The following PPM1E variants were observed in gnomAD, a reference collection of about 807,000 sequenced individuals.
The protein encoded by PPM1E is protein phosphatase 1E.
PPM1E carries 20 observed loss-of-function variants against 65.9 expected under a neutral mutation model. The observed-to-expected ratio is 0.30, with a 90% CI of 0.21 to 0.44. PPM1E has a LOEUF of 0.44. Ranked by LOEUF, PPM1E falls within the 20% of genes least tolerant of loss-of-function variation. The pLI is 1.00. For missense variants in PPM1E, 713 were observed against 953.1 expected (o/e 0.75, Z 3.32); for synonymous variants, 352 against 374.9 (o/e 0.94, Z 0.70).
At chr17:58,921,904 G>C (rs1283524965) in intron 1 of PPM1E, among the ~76,000 whole-genome samples, 1 of 151,778 alleles carries the variant, frequency 6.6e-6, no homozygotes, top group East Asian at 1.9e-4. Context: ...GCCGGGTGTG[G>C]TGGCACGCAC....
intron 1 of PPM1E, among the ~76,000 whole-genome samples, chr17:58,895,949 CAAAAAA>C (rs34230027): frequency 1.6e-5 from 2 of 127,782 alleles, no homozygotes; most frequent in East Asian, 2.3e-4. Context: ...GCTAAACATA[CAAAAAA>C]AAAAAAAAAA....
chr17:58,865,797 T>C (rs2050996456), intron 1 of PPM1E, among the ~76,000 whole-genome samples: 1 of 152,226 alleles, frequency 6.6e-6, no homozygotes. Flanking sequence ...TATTCTATTG[T>C]GGTAAATAGT....
intron 1 of PPM1E, among the ~76,000 whole-genome samples, chr17:58,934,681 CT>C (rs1215446042): frequency 6.6e-6 from 1 of 152,162 alleles, no homozygotes; most frequent in African/African-American, 2.4e-5. Flanking sequence ...AATCCCAGCA[CT>C]TTTGGTGGCC....
At chr17:58,876,096 C>A (rs2051123800) in intron 1 of PPM1E, among the ~76,000 whole-genome samples, 1 of 152,046 alleles carries the variant, frequency 6.6e-6, no homozygotes, top group Non-Finnish European at 1.5e-5. Context: ...ATAATTTTTT[C>A]TTTGCATCTA....
rs2031356044 is a variant in PPM1E, at chr17:58,981,553, A to G, written c.*522A>G. 6.5e-6 allele frequency: 1 copy of G among 152,844 alleles called. No homozygotes were observed. Among genetic ancestry groups the G allele is most frequent in the Non-Finnish European group, 1.5e-5 (1 of 68,394 alleles). 9.5% of individuals were successfully genotyped at this position (152,844 alleles called of 1,614,324 possible). On this transcript the variant is annotated 3_prime_UTR_variant, in exon 7 of 7. Coordinates refer to ENST00000308249, the MANE Select transcript of PPM1E (RefSeq NM_014906.5). ...TTGGGTAGGTAAAAGACTAAAAGCCATATGGATTTTAACTGATAACAATGA... is the reference window on the plus strand; with the variant it reads ...TTGGGTAGGTAAAAGACTAAAAGCCGTATGGATTTTAACTGATAACAATGA...
At chr17:58,820,562 G>T (rs1042289349) in intron 1 of PPM1E, among the ~76,000 whole-genome samples, 6 of 152,160 alleles carry the variant, frequency 3.9e-5, no homozygotes, top group Non-Finnish European at 8.8e-5. Context: ...AAGTCCTAAA[G>T]GAGTGTGCTT....
intron 1 of PPM1E, among the ~76,000 whole-genome samples, chr17:58,805,546 G>C (rs1236231540): frequency 6.6e-6 from 1 of 152,048 alleles, no homozygotes; most frequent in South Asian, 2.1e-4. Flanking sequence ...CACCGTGCCC[G>C]GCCCCAGTGT....
intron 1 of PPM1E, among the ~76,000 whole-genome samples, chr17:58,923,518 G>A (rs1231161489): frequency 6.6e-6 from 1 of 151,604 alleles, no homozygotes; most frequent in East Asian, 2.0e-4. Context: ...GGCCAAGGTG[G>A]ACAGATCACC....
At chr17:58,761,775 C>G (rs1249071635) in intron 1 of PPM1E, among the ~76,000 whole-genome samples, 3 of 152,280 alleles carry the variant, frequency 2.0e-5, no homozygotes, top group East Asian at 3.9e-4. Context: ...CAATGCCATT[C>G]CTCTTGTAAG....
intron 1 of PPM1E, among the ~76,000 whole-genome samples, chr17:58,898,842 G>A (rs375299922): frequency 3.0e-4 from 45 of 152,238 alleles, no homozygotes; most frequent in East Asian, 1.4e-3. Context: ...AAAAGGATGC[G>A]TTCATGTCCT....
chr17:58,871,048 T>G (rs2051063600), intron 1 of PPM1E, among the ~76,000 whole-genome samples: 1 of 152,072 alleles, frequency 6.6e-6, no homozygotes, highest in Non-Finnish European at 1.5e-5. Context: ...AACTTTATGG[T>G]TTTTGTTTGT....
intron 1 of PPM1E, among the ~76,000 whole-genome samples, chr17:58,910,539 T>C (rs1233529369): frequency 6.6e-6 from 1 of 152,228 alleles, no homozygotes; most frequent in Non-Finnish European, 1.5e-5. Flanking sequence ...GCTTTTAGTA[T>C]GTCTTGTAAT....
Position 58,972,230 on chromosome 17 carries a change from G to C in PPM1E, c.1071G>C (p.Lys357Asn). 6.2e-7 allele frequency: 1 copy of C among 1,614,130 alleles called. No individual in the cohort carries two copies. The change falls in exon 5 of 7, where the codon AAG becomes AAC. Residue 357 changes from lysine (K) to asparagine (N), a missense_variant. By Grantham distance (94) the Lys-to-Asn change is moderately conservative. Coordinates refer to ENST00000308249, the MANE Select transcript of PPM1E (RefSeq NM_014906.5). ...ATTCCCAGGTTATGCTTGTGAGAAA[G>C]GGCCAAGCTGTTGAACTAATGAAGC... ...VGDSQVMLVR[K>N]GQAVELMKPH...
intron 2 of PPM1E, among the ~76,000 whole-genome samples, chr17:58,963,261 C>A (rs1187855615): frequency 6.6e-6 from 1 of 151,270 alleles, no homozygotes; most frequent in Non-Finnish European, 1.5e-5. Flanking sequence ...GTGGCGGGTG[C>A]CTGTAATCCC....
At chr17:58,820,352 A>T (rs146818582) in intron 1 of PPM1E, among the ~76,000 whole-genome samples, 2 of 152,286 alleles carry the variant, frequency 1.3e-5, no homozygotes, top group East Asian at 3.9e-4. Context: ...GCAAGGTACG[A>T]AACCTCTCCA....
chr17:58,790,344 C>T (rs1177624781), intron 1 of PPM1E, among the ~76,000 whole-genome samples: 2 of 152,092 alleles, frequency 1.3e-5, no homozygotes, highest in African/African-American at 4.8e-5. Flanking sequence ...ACATGAGCCA[C>T]TGTGCCCAGC....
intron 1 of PPM1E, among the ~76,000 whole-genome samples, chr17:58,850,282 G>A (rs1326227856): frequency 6.6e-6 from 1 of 152,082 alleles, no homozygotes; most frequent in Non-Finnish European, 1.5e-5. Flanking sequence ...TTACATTTAA[G>A]GTTAATATTG....
intron 1 of PPM1E, among the ~76,000 whole-genome samples, chr17:58,929,589 TA>T (rs1364876065): frequency 6.6e-6 from 1 of 152,168 alleles, no homozygotes; most frequent in Admixed American, 6.5e-5. Context: ...AGCAAAATAT[TA>T]ATGGTAGAAT....
intron 6 of PPM1E, among the ~76,000 whole-genome samples, chr17:58,973,509 A>G (rs754453719): frequency 2.7e-5 from 4 of 149,168 alleles, no homozygotes; most frequent in Admixed American, 6.7e-5. Flanking sequence ...CAGTACCCAA[A>G]TCTGCTTCAA....
Sources: gnomAD v4.1 joint callset for allele counts (sites outside exome capture counted in the v4.1 genomes callset) on GRCh38, gnomAD v4.1.1 for gene constraint, MANE v1.5 for transcripts, NCBI Gene and HGNC (gene_info 2026-07-23, HGNC 2026-07-21) for gene names.